The following MAPT variants were observed in gnomAD, a reference collection of about 807,000 sequenced individuals.
MAPT encodes microtubule-associated protein tau.
In MAPT, 34 loss-of-function variants were observed where a neutral mutation model predicts 67.9. The ratio of observed to expected loss-of-function variants is 0.50; its 90% CI spans 0.38 to 0.67. MAPT has a LOEUF of 0.67. MAPT is among the 30% of genes least tolerant of loss of function. The probability of loss-of-function intolerance (pLI) is 0.00; values close to 1 mark genes in which losing one functional copy is unlikely to be tolerated. For synonymous variants in MAPT, 456 were observed against 464.5 expected, an observed-to-expected ratio of 0.98 and a Z score of 0.23; for missense variants, 881 against 1,115.2, an observed-to-expected ratio of 0.79 and a Z score of 2.99.
chr17:45,956,600 A>ATTTTT (rs60652728), intron 1 of MAPT, among the ~76,000 whole-genome samples: 1 of 102,660 alleles, frequency 9.7e-6, no homozygotes, highest in African/African-American at 3.7e-5. Context: ...ATATATATAT[A>ATTTTT]TTTTTTATTA....
chr17:46,023,926 C>T (rs2146222835), intron 12 of MAPT, 30 bp from the exon 13 acceptor site: 1 of 1,598,802 alleles, frequency 6.3e-7, no homozygotes, highest in Non-Finnish European at 8.6e-7. Context: ...GGCACTTCAT[C>T]TCACCCTCCC....
At chr17:45,972,839 G>T (rs952914942) in intron 3 of MAPT, 1 of 153,098 alleles carries the variant, frequency 6.5e-6, no homozygotes, top group Non-Finnish European at 1.5e-5. Context: ...CTTGCAAGTG[G>T]CAATCTTCTG....
chr17:45,916,306 C>T (rs1001737634), intron 1 of MAPT, among the ~76,000 whole-genome samples: 16 of 152,206 alleles, frequency 1.1e-4, no homozygotes, highest in African/African-American at 3.4e-4. Context: ...CTGCAGAGGG[C>T]GGGTGGCCCA....
chr17:45,970,875 T>C (rs2071593219), intron 2 of MAPT, among the ~76,000 whole-genome samples: 1 of 152,242 alleles, frequency 6.6e-6, no homozygotes, highest in South Asian at 2.1e-4. Context: ...TGGCCATCCT[T>C]CCTCCCTCAG....
At position 45,915,967 on chromosome 17, in the gene MAPT, G is replaced by T. The variant is rs1462186670; in HGVS notation, c.-18+21281G>T. Among the ~76,000 whole-genome samples the T allele has an allele frequency of 6.6e-6, 1 of 152,196 alleles. No homozygotes were observed. Among genetic ancestry groups the T allele is most frequent in the Non-Finnish European group, 1.5e-5 (1 of 68,040 alleles). ...CATCCTCCCAGCCACTCTGGGCCAGGTGGCACTGCTGGTTTGAAAGGGAGG... is the reference window on the plus strand; with the variant it reads ...CATCCTCCCAGCCACTCTGGGCCAGTTGGCACTGCTGGTTTGAAAGGGAGG... On this transcript the variant is annotated intron_variant, in intron 1 of 12. Coordinates refer to ENST00000262410, the MANE Select transcript of MAPT (RefSeq NM_001377265.1). This position sits in a 1 kb window ranked among gnomAD's most constrained non-coding sequence, Gnocchi z 4.4.
intron 4 of MAPT, among the ~76,000 whole-genome samples, chr17:45,982,616 T>G (rs2073086499): frequency 5.3e-5 from 8 of 151,958 alleles, no homozygotes; most frequent in Admixed American, 5.2e-4. Flanking sequence ...CCAAGAACCC[T>G]CTTTACAGAT....
At chr17:45,904,725 C>T (rs1187883692) in intron 1 of MAPT, among the ~76,000 whole-genome samples, 1 of 151,500 alleles carries the variant, frequency 6.6e-6, no homozygotes, top group Non-Finnish European at 1.5e-5. Flanking sequence ...TTTATATTTA[C>T]ATGTATTTAA....
At chr17:45,946,615 A>AAAAATATATATATAT in intron 1 of MAPT, among the ~76,000 whole-genome samples, 1 of 100,406 alleles carries the variant, frequency 1.0e-5, no homozygotes, top group Admixed American at 1.1e-4. Flanking sequence ...AAAAAAAAAA[A>AAAAATATATATATAT]ATATATATAT....
At chr17:45,923,057 G>A (rs894212671) in intron 1 of MAPT, among the ~76,000 whole-genome samples, 3 of 152,100 alleles carry the variant, frequency 2.0e-5, no homozygotes, top group African/African-American at 7.2e-5. Context: ...TAACCTCTTG[G>A]ACCCTATGTT....
intron 1 of MAPT, among the ~76,000 whole-genome samples, chr17:45,946,560 C>T (rs1471125779): frequency 7.0e-6 from 1 of 142,542 alleles, no homozygotes; most frequent in African/African-American, 2.6e-5. Context: ...GATGGCACCA[C>T]CACACTCCAG....
rs1384662756 is a variant in MAPT at position 45,896,397 on chromosome 17, C to T, written c.-18+1711C>T. The T allele has an allele frequency of 6.6e-6, 1 of 152,346 alleles. No individual in the cohort carries two copies. The highest frequency in any genetic ancestry group is 1.9e-4 in the East Asian group (1 of 5,196). 9.4% of individuals were successfully genotyped at this position (152,346 alleles called of 1,614,324 possible). ...GTGGGGAGCCCTGGCGGGGCCTCTCCGGCTTTACGCCCTGTTGCTTCGCCT... is the reference window on the plus strand; with the variant it reads ...GTGGGGAGCCCTGGCGGGGCCTCTCTGGCTTTACGCCCTGTTGCTTCGCCT... On this transcript the variant is annotated intron_variant, in intron 1 of 12. Coordinates refer to ENST00000262410, the MANE Select transcript of MAPT (RefSeq NM_001377265.1). This position sits in a 1 kb window ranked among gnomAD's most constrained non-coding sequence, Gnocchi z 5.6.
intron 1 of MAPT, among the ~76,000 whole-genome samples, chr17:45,932,732 CT>C (rs1009660395): frequency 6.6e-6 from 1 of 151,406 alleles, no homozygotes; most frequent in Non-Finnish European, 1.5e-5. Flanking sequence ...TAAAGGTTAA[CT>C]TTTTTAAAGT....
At chr17:45,970,202 A>T (rs2071518820) in intron 2 of MAPT, among the ~76,000 whole-genome samples, 2 of 152,218 alleles carry the variant, frequency 1.3e-5, no homozygotes, top group Admixed American at 6.5e-5. Context: ...ACATACACAC[A>T]TCCATATAAT....
intron 9 of MAPT, chr17:45,999,464 C>T (rs747468867): frequency 6.2e-7 from 1 of 1,614,064 alleles, no homozygotes; most frequent in South Asian, 1.1e-5. Context: ...ACCCTGAGTT[C>T]ATCTGAGGTT....
chr17:46,014,125 A>G (rs951293993), intron 10 of MAPT, 118 bp from the exon 11 acceptor site: 1 of 716,180 alleles, frequency 1.4e-6, no homozygotes, highest in Non-Finnish European at 2.6e-6. Flanking sequence ...CTGGGCTTAC[A>G]CAGCTGCTTC....
Position 46,026,548 on chromosome 17 carries a change from C to A in MAPT, c.*2377C>A, listed in dbSNP as rs1029611735. ...GGGGATCTGCAGCTCCCAGAAGCTC[C>A]GTGAGCCTCAGCCACCCCTCAGACT... On this transcript the variant is annotated 3_prime_UTR_variant, in exon 13 of 13. Transcript: ENST00000262410. The A allele has an allele frequency of 3.4e-5, 5 of 148,918 alleles. No individual in the cohort carries two copies. The highest frequency in any genetic ancestry group is 7.6e-5 in the Non-Finnish European group (5 of 65,762). 9.2% of individuals were successfully genotyped at this position (148,918 alleles called of 1,614,324 possible).
At chr17:45,953,321 G>A (rs2069275648) in intron 1 of MAPT, among the ~76,000 whole-genome samples, 1 of 152,246 alleles carries the variant, frequency 6.6e-6, no homozygotes, top group Non-Finnish European at 1.5e-5. Flanking sequence ...GGATGCTCCT[G>A]AAAATGGGCT....
chr17:45,974,419 C>A, intron 3 of MAPT: 1 of 1,610,694 alleles, frequency 6.2e-7, no homozygotes. Context: ...AGGGAGCTCC[C>A]GGCAAGCAGG....
chr17:45,970,076 C>T (rs963992765), intron 2 of MAPT, among the ~76,000 whole-genome samples: 3 of 146,956 alleles, frequency 2.0e-5, no homozygotes, highest in African/African-American at 7.7e-5. Context: ...ATCCATTCAT[C>T]TATCCACCCA....
Sources: gnomAD v4.1 joint callset for allele counts (sites outside exome capture counted in the v4.1 genomes callset) on GRCh38, gnomAD v4.1.1 for gene constraint, Gnocchi (gnomAD v3.1) non-coding constraint, MANE v1.5 for transcripts, NCBI Gene and HGNC (gene_info 2026-07-23, HGNC 2026-07-21) for gene names.